PDCD4: variants seen among roughly 807,000 people sequenced by gnomAD.
The protein encoded by PDCD4 is programmed cell death protein 4.
Under a neutral mutation model 54.0 loss-of-function variants are expected in PDCD4, and 56 were observed. That is an observed-to-expected ratio of 1.04 (90% CI 0.84 to 1.30). The LOEUF (loss-of-function observed/expected upper bound fraction) is 1.30, where lower values mean the gene tolerates loss of function less well. Ranked by LOEUF, PDCD4 falls within the 50% of genes most tolerant of loss-of-function variation. The pLI is 0.00. For missense variants in PDCD4, 584 were observed against 559.8 expected, an observed-to-expected ratio of 1.04 and a Z score of -0.44; for synonymous variants, 186 against 194.8, an observed-to-expected ratio of 0.95 and a Z score of 0.37.
chr10:110,877,360 A>G (rs1359492428), intron 2 of PDCD4, among the ~76,000 whole-genome samples: 1 of 152,168 alleles, frequency 6.6e-6, no homozygotes, highest in Non-Finnish European at 1.5e-5. Flanking sequence ...CGTGTGCACC[A>G]CTGTGCTTAG....
chr10:110,894,069 T>G, intron 8 of PDCD4, 22 bp from the exon 9 acceptor site: 1 of 1,404,020 alleles, frequency 7.1e-7, no homozygotes, highest in Non-Finnish European at 1.0e-6. Context: ...TTCTGACACA[T>G]CTCAACTTTT....
Position 110,898,049 on chromosome 10 carries a change from C to T in PDCD4, c.1371C>T (p.Ser457=), listed in dbSNP as rs200703404. 108 of 1,585,200 alleles carry T rather than the reference C, an allele frequency of 6.8e-5. No homozygotes were observed. Among genetic ancestry groups the T allele is most frequent in the Non-Finnish European group, 8.4e-5 (98 of 1,163,912 alleles). Residue 457 remains serine (S), a synonymous_variant, in exon 12 of 12, where the codon AGC becomes AGT. Coordinates refer to ENST00000280154, the MANE Select transcript of PDCD4 (RefSeq NM_014456.5). ...ACAGGGGCAGAAAGCGTTTTGTAAG[C>T]GAAGGAGATGGAGGTCGTCTTAAAC... ...CPSRGRKRFV[S]EGDGGRLKPE...
In PDCD4 at chr10:110,895,831, G is replaced by A; in HGVS notation, c.1210-117G>A. 4 of 717,894 alleles carry A rather than the reference G, an allele frequency of 5.6e-6. No homozygotes were observed. The South Asian group carries it at 8.5e-5, about 15-fold the overall frequency. The allele number at this position is 717,894 out of a possible 1,614,324, so 44.5% of individuals were successfully genotyped here. ...TTCTCACGATTCAAATCTGACTTCA[G>A]TTTAACCATTTGAATATTTGGCCTT... is the stretch of plus-strand genomic sequence containing the variant. On this transcript the variant is annotated intron_variant, in intron 10 of 11. Transcript: ENST00000280154.
At position 110,883,030 on chromosome 10, in the gene PDCD4, G is replaced by T. The variant is rs762345099; in HGVS notation, c.374G>T (p.Gly125Val). The change falls in exon 4 of 12, where the codon GGT (glycine) becomes GTT (valine). Residue 125 changes from glycine to valine, a missense_variant. Transcript: ENST00000280154. The part of the protein sequence containing the change: ...KGGAGGKGVW[G>V]TPGQVYDVEE... ...GGTGCAGGAGGCAAAGGTGTCTGGG[G>T]TACACCTGGACAGGTGTATGATGTG... 1 of 1,600,580 alleles carries T rather than the reference G, an allele frequency of 6.2e-7. No homozygotes were observed. Among genetic ancestry groups the T allele is most frequent in the Non-Finnish European group, 8.5e-7 (1 of 1,173,838 alleles).
At chr10:110,887,437 C>T (rs10787287) in intron 5 of PDCD4, among the ~76,000 whole-genome samples, 114,097 of 152,066 alleles carry the variant, frequency 0.75, 43,202 homozygotes, top group East Asian at 0.87. Context: ...TTGAATTTAG[C>T]GATGTTAAGG....
In PDCD4 at chr10:110,898,127, T is replaced by C. The variant is rs376964203; in HGVS notation, c.*39T>C. The C allele has an allele frequency of 9.2e-5, 109 of 1,181,548 alleles. No individual in the cohort carries two copies. The highest frequency in any genetic ancestry group is 1.2e-4 in the Non-Finnish European group (100 of 863,982). The allele number at this position is 1,181,548 out of a possible 1,614,324, so 73.2% of individuals were successfully genotyped here. Reference sequence around the variant, plus strand: ...TGCAGTCTTAGATGTTATAAAAATATATATCTGAATTGTAAGAGTTGTTAG... The same window carrying C: ...TGCAGTCTTAGATGTTATAAAAATACATATCTGAATTGTAAGAGTTGTTAG... On this transcript the variant is annotated 3_prime_UTR_variant, in exon 12 of 12. Coordinates refer to ENST00000280154, the MANE Select transcript of PDCD4 (RefSeq NM_014456.5).
At chr10:110,872,626 AG>A (rs1845434771) in intron 1 of PDCD4, among the ~76,000 whole-genome samples, 1 of 152,086 alleles carries the variant, frequency 6.6e-6, no homozygotes, top group Admixed American at 6.5e-5. Context: ...CGCTGTGGGG[AG>A]GGGCCGCGCG....
chr10:110,879,731 T>C (rs1236772539), intron 2 of PDCD4, among the ~76,000 whole-genome samples: 1 of 151,970 alleles, frequency 6.6e-6, no homozygotes, highest in Non-Finnish European at 1.5e-5. Flanking sequence ...AGGGCATGCT[T>C]GAGAAAATCA....
chr10:110,881,588 GT>G, intron 3 of PDCD4, 53 bp downstream of exon 3: 2 of 1,488,550 alleles, frequency 1.3e-6, no homozygotes, highest in East Asian at 4.6e-5. Flanking sequence ...GAAAAAAATT[GT>G]CTGGTTCTTG....
chr10:110,887,825 C>G lies in PDCD4; in HGVS notation c.716C>G (p.Ser239Ter). 6.2e-7 allele frequency: 1 copy of G among 1,613,708 alleles called. No homozygotes were observed. The change falls in exon 6 of 12, where the codon TCA (serine) becomes TGA (stop). Residue 239 changes from serine to a stop codon, truncating the protein, a stop_gained. Coordinates refer to ENST00000280154, the MANE Select transcript of PDCD4 (RefSeq NM_014456.5). LOFTEE classifies it high-confidence loss of function. ...ATGAGCACAACTGATGTGGAAAAAT[C>G]ATTTGATAAATTGTTGAAAGATCTA... is the stretch of plus-strand genomic sequence containing the variant. ...TVMSTTDVEK[S>*]FDKLLKDLPE...
intron 3 of PDCD4, among the ~76,000 whole-genome samples, chr10:110,882,738 T>G (rs1412690578): frequency 6.6e-6 from 1 of 152,178 alleles, no homozygotes; most frequent in Non-Finnish European, 1.5e-5. Context: ...TATAGCTATT[T>G]TTTTATCTTT....
chr10:110,881,239 A>AT lies in PDCD4; in HGVS notation c.51dup (p.Asn18Ter). The AT allele has an allele frequency of 1.9e-6, 3 of 1,608,948 alleles. No individual in the cohort carries two copies. In the South Asian group the frequency reaches 3.3e-5, roughly 18 times the overall value. Reference sequence around the variant, plus strand: ...CTTCATTTTTCTCTTTAAGATCCTGATAACTTAAGTGACTCTCTCTTTTCC... The same window carrying AT: ...CTTCATTTTTCTCTTTAAGATCCTGATTAACTTAAGTGACTCTCTCTTTTCC... On this transcript the variant is annotated frameshift_variant, in exon 3 of 12. Coordinates refer to ENST00000280154, the MANE Select transcript of PDCD4 (RefSeq NM_014456.5). LOFTEE classifies it high-confidence loss of function.
chr10:110,887,190 T>C (rs1341396486), intron 5 of PDCD4, among the ~76,000 whole-genome samples: 7 of 152,160 alleles, frequency 4.6e-5, no homozygotes, highest in African/African-American at 1.4e-4. Flanking sequence ...TGTGTTTAGA[T>C]AGGTAACCAC....
rs988781555 is a variant in PDCD4, at chr10:110,887,857, T to C, written c.748T>C (p.Leu250=). ...TAAATTGTTGAAAGATCTACCTGAA[T>C]TAGCACTGGATACTCCTAGAGCACC... ...FDKLLKDLPE[L]ALDTPRAPQL... The change falls in exon 6 of 12, where the codon TTA becomes CTA. Residue 250 remains leucine (L), a synonymous_variant. Transcript: ENST00000280154. 1.9e-6 allele frequency: 3 copies of C among 1,611,990 alleles called. No homozygotes were observed. Among genetic ancestry groups the C allele is most frequent in the Non-Finnish European group, 2.5e-6 (3 of 1,178,160 alleles).
intron 2 of PDCD4, chr10:110,876,637 T>C: frequency 1.5e-6 from 1 of 683,804 alleles, no homozygotes; most frequent in South Asian, 5.2e-5. Context: ...GTATCTTTCC[T>C]AACAAATAAT....
chr10:110,876,199 C>T (rs1387565525), intron 2 of PDCD4, 129 bp downstream of exon 2: 1 of 610,596 alleles, frequency 1.6e-6, no homozygotes, highest in African/African-American at 2.0e-5. Flanking sequence ...CTTAAGAGAT[C>T]CTCCCCTATC....
chr10:110,886,183 C>T (rs927931), intron 5 of PDCD4, among the ~76,000 whole-genome samples: 149,942 of 152,298 alleles, frequency 0.98, 73,858 homozygotes, highest in Non-Finnish European at 1. Flanking sequence ...TATTAAAATA[C>T]GTGAAACGTT....
intron 4 of PDCD4, 27 bp downstream of exon 4, chr10:110,883,124 A>G (rs1470453616): frequency 7.1e-7 from 1 of 1,409,402 alleles, no homozygotes; most frequent in South Asian, 1.2e-5. Flanking sequence ...TTTTCATAAT[A>G]TTTAAAATGT....
chr10:110,887,215 T>C (rs1276845059), intron 5 of PDCD4, among the ~76,000 whole-genome samples: 1 of 152,154 alleles, frequency 6.6e-6, no homozygotes, highest in African/African-American at 2.4e-5. Flanking sequence ...TTAACAGTTG[T>C]CTACAGTATT....
Sources: gnomAD v4.1 joint callset for allele counts (sites outside exome capture counted in the v4.1 genomes callset) on GRCh38, gnomAD v4.1.1 for gene constraint, MANE v1.5 for transcripts, NCBI Gene and HGNC (gene_info 2026-07-23, HGNC 2026-07-21) for gene names.